The following ARSG variants were observed in gnomAD, a reference collection of about 807,000 sequenced individuals.
The protein encoded by ARSG is arylsulfatase G.
Under a neutral mutation model 50.5 loss-of-function variants are expected in ARSG, and 37 were observed. The observed-to-expected ratio is 0.73, with a 90% CI of 0.56 to 0.96. The LOEUF is 0.96. Among genes scored for constraint, ARSG ranks in the 50% least tolerant of loss-of-function variants. ARSG has a pLI of 0.00. For synonymous variants in ARSG, 225 were observed against 254.6 expected, an observed-to-expected ratio of 0.88 and a Z score of 1.11; for missense variants, 629 against 675.3, an observed-to-expected ratio of 0.93 and a Z score of 0.76.
intron 6 of ARSG, among the ~76,000 whole-genome samples, chr17:68,362,937 TAATGAATG>T (rs900401476): frequency 1.3e-5 from 2 of 152,144 alleles, no homozygotes; most frequent in African/African-American, 2.4e-5. Flanking sequence ...AATAAATATT[TAATGAATG>T]AATGAATGAA....
At chr17:68,438,186 C>T in the ARSG span, among the ~76,000 whole-genome samples, 28 of 152,250 alleles carry the variant, frequency 1.8e-4, no homozygotes, top group Admixed American at 5.9e-4. Context: ...TTATCACTTG[C>T]CATGCATAGC....
chr17:68,440,464 G>A, the ARSG span, among the ~76,000 whole-genome samples: 2 of 152,116 alleles, frequency 1.3e-5, no homozygotes, highest in African/African-American at 4.8e-5. Context: ...AAAAGTGATG[G>A]TGTAGAACAT....
Position 68,399,766 on chromosome 17 carries a change from C to T in ARSG, c.1213-1594C>T, listed in dbSNP as rs2081394361. On this transcript the variant is annotated intron_variant, in intron 10 of 11. Transcript: ENST00000621439. The surrounding 1 kb of genome is among the most constrained non-coding windows in gnomAD (Gnocchi z 4.6). The stretch of plus-strand genomic sequence containing the variant: ...CTGAGACGCAAGTACTGTGACTGAT[C>T]TGAAGCAGCAACTTCACTCCCATCT... 6.6e-6 allele frequency among the ~76,000 whole-genome samples: 1 copy of T among 152,220 alleles called. No individual in the cohort carries two copies. The highest frequency in any genetic ancestry group is 1.5e-5 in the Non-Finnish European group (1 of 68,042).
chr17:68,402,799 A>G (rs2081536309), intron 11 of ARSG, among the ~76,000 whole-genome samples: 1 of 152,228 alleles, frequency 6.6e-6, no homozygotes. Context: ...TGCTGGGATT[A>G]CAGGCATGAG....
Position 68,354,138 on chromosome 17 carries a change from A to T in ARSG, c.566+2452A>T, listed in dbSNP as rs188077060. Among the ~76,000 whole-genome samples, 591 of 151,426 alleles carry T rather than the reference A, an allele frequency of 3.9e-3. 4 individuals are homozygous for T. The highest frequency in any genetic ancestry group is 0.014 in the African/African-American group (567 of 41,322). On this transcript the variant is annotated intron_variant, in intron 5 of 11. Transcript: ENST00000621439. ...TAATCTATGTTAAAAATCCAGTAGA[A>T]AGCCAGGTGCAGTGGGTCACTCCTG...
Position 68,368,575 on chromosome 17 carries a change from T to TG in ARSG, c.733dup (p.Val245GlyfsTer44). ...CCAGCGGGAGGCCCTTCCTGCTCTA[T>TG]GTGGCTCTGGCCCACATGCACGTGC... On this transcript the variant is annotated frameshift_variant, in exon 7 of 12. Transcript: ENST00000621439. LOFTEE classifies it high-confidence loss of function. 6.2e-7 allele frequency: 1 copy of TG among 1,614,140 alleles called. No homozygotes were observed. Among genetic ancestry groups the TG allele is most frequent in the Non-Finnish European group, 8.5e-7 (1 of 1,180,020 alleles).
At chr17:68,445,725 C>T in the ARSG span, among the ~76,000 whole-genome samples, 1 of 152,196 alleles carries the variant, frequency 6.6e-6, no homozygotes. Flanking sequence ...AACGCATAGC[C>T]CAGTACAAGG....
At chr17:68,375,785 G>A (rs1236623189) in intron 8 of ARSG, among the ~76,000 whole-genome samples, 1 of 152,126 alleles carries the variant, frequency 6.6e-6, no homozygotes, top group African/African-American at 2.4e-5. Flanking sequence ...AGTAGGAGCC[G>A]CTCCCTAGAG....
chr17:68,329,116 A>T (rs111379090), intron 2 of ARSG, among the ~76,000 whole-genome samples: 2,768 of 152,260 alleles, frequency 0.018, 80 homozygotes, highest in African/African-American at 0.063. Context: ...CCTCCCCAGG[A>T]GGTGAAATGA....
intron 1 of ARSG, among the ~76,000 whole-genome samples, chr17:68,279,366 T>C (rs1555752040): frequency 6.6e-6 from 1 of 152,144 alleles, no homozygotes. Context: ...ATTCTGATTA[T>C]GATTTGGTGT....
At chr17:68,269,691 T>TTTTTTTTTTTAA (rs57001011) in intron 1 of ARSG, among the ~76,000 whole-genome samples, 1 of 148,916 alleles carries the variant, frequency 6.7e-6, no homozygotes, top group Non-Finnish European at 1.5e-5. Context: ...TTTTTTTTTT[T>TTTTTTTTTTTAA]AGACAGAGTT....
intron 7 of ARSG, among the ~76,000 whole-genome samples, chr17:68,369,454 C>T (rs2079713747): frequency 6.6e-6 from 1 of 151,990 alleles, no homozygotes; most frequent in Non-Finnish European, 1.5e-5. Context: ...GCAGGAGAAT[C>T]GCTTAAACCT....
chr17:68,359,846 C>T (rs1016044470), intron 6 of ARSG: 12 of 152,224 alleles, frequency 7.9e-5, no homozygotes, highest in Non-Finnish European at 1.6e-4. Context: ...TTTCTGAGAA[C>T]ACTGTTGTTT....
upstream of ARSG, chr17:68,291,246 G>A (rs2075975646): frequency 6.6e-6 from 1 of 151,206 alleles, no homozygotes; most frequent in South Asian, 2.1e-4. Flanking sequence ...TGAGGCCCGA[G>A]CGCCCGGGCC....
intron 2 of ARSG, among the ~76,000 whole-genome samples, chr17:68,330,547 T>G (rs1054270129): frequency 6.6e-6 from 1 of 152,114 alleles, no homozygotes; most frequent in African/African-American, 2.4e-5. Flanking sequence ...CAGGAGGGAA[T>G]GAGAGAAACC....
chr17:68,329,471 C>T (rs1377064584), intron 2 of ARSG, among the ~76,000 whole-genome samples: 2 of 152,198 alleles, frequency 1.3e-5, no homozygotes, highest in African/African-American at 4.8e-5. Context: ...TGGAGCTGGG[C>T]GGGTAACAGA....
intron 1 of ARSG, among the ~76,000 whole-genome samples, chr17:68,305,417 C>T (rs1429743574): frequency 3.3e-5 from 5 of 152,176 alleles, no homozygotes; most frequent in African/African-American, 1.2e-4. Flanking sequence ...CAAAGACGAG[C>T]AGTACAGGCC....
chr17:68,378,461 G>A lies in ARSG; in HGVS notation c.983-6603G>A, dbSNP rs552197095. On this transcript the variant is annotated intron_variant, in intron 8 of 11. Transcript: ENST00000621439. This position sits in a 1 kb window ranked among gnomAD's most constrained non-coding sequence, Gnocchi z 4.4. ...TCTCCTGGAGTCATCTTTTCACCCC[G>A]TGCGTGTGGACTGAGAATGCTCCAC... Among the ~76,000 whole-genome samples, 4 of 152,288 alleles carry A rather than the reference G, an allele frequency of 2.6e-5. No homozygotes were observed. The South Asian group carries it at 8.3e-4, about 32-fold the overall frequency.
chr17:68,441,693 G>A, the ARSG span, among the ~76,000 whole-genome samples: 5 of 152,272 alleles, frequency 3.3e-5, no homozygotes, highest in African/African-American at 7.2e-5. Context: ...TGGACAGGGC[G>A]GACCCACCTT....
Sources: allele counts gnomAD v4.1 joint callset (sites outside exome capture counted in the v4.1 genomes callset), GRCh38; gene constraint gnomAD v4.1.1; non-coding constraint Gnocchi (gnomAD v3.1); transcripts MANE v1.5; gene names NCBI Gene and HGNC (gene_info 2026-07-23, HGNC 2026-07-21).